The following SCTR variants were observed in gnomAD, a reference collection of about 807,000 sequenced individuals.
The protein encoded by SCTR is pancreatic secretin receptor.
SCTR carries 56 observed loss-of-function variants against 60.8 expected under a neutral mutation model. The observed-to-expected ratio is 0.92, with a 90% CI of 0.74 to 1.15. The LOEUF is 1.15. Ranked by LOEUF, SCTR falls within the 50% of genes most tolerant of loss-of-function variation. The pLI, the probability that SCTR is intolerant of heterozygous loss-of-function variation, is 0.00. For synonymous variants in SCTR, 202 were observed against 217.0 expected, an observed-to-expected ratio of 0.93 and a Z score of 0.61; for missense variants, 562 against 550.4, an observed-to-expected ratio of 1.02 and a Z score of -0.21.
At chr2:119,496,259 G>T (rs1678341155) in intron 1 of SCTR, among the ~76,000 whole-genome samples, 1 of 152,192 alleles carries the variant, frequency 6.6e-6, no homozygotes. Context: ...ACTCTCAACA[G>T]GACAGAAAGT....
At chr2:119,478,381 A>G (rs914716099) in intron 3 of SCTR, among the ~76,000 whole-genome samples, 2 of 152,116 alleles carry the variant, frequency 1.3e-5, no homozygotes, top group African/African-American at 4.8e-5. Flanking sequence ...CAGGGAGCCA[A>G]TTTCTCAGCA....
chr2:119,493,511 C>T (rs1189431119), intron 2 of SCTR, among the ~76,000 whole-genome samples: 2 of 152,086 alleles, frequency 1.3e-5, no homozygotes, highest in African/African-American at 4.8e-5. Context: ...AAACTTAGTG[C>T]TTAAAGTGTT....
intron 1 of SCTR, among the ~76,000 whole-genome samples, chr2:119,520,892 A>G (rs189413912): frequency 2.0e-4 from 30 of 152,320 alleles, no homozygotes; most frequent in African/African-American, 6.7e-4. Flanking sequence ...GTCCTGAAAC[A>G]TGACAACCTT....
At chr2:119,456,207 C>G (rs995890334) in intron 7 of SCTR, among the ~76,000 whole-genome samples, 8 of 151,734 alleles carry the variant, frequency 5.3e-5, no homozygotes, top group African/African-American at 1.9e-4. Context: ...ATTACAGGCA[C>G]CCACCACCAC....
intron 1 of SCTR, among the ~76,000 whole-genome samples, chr2:119,509,202 T>C (rs1490842953): frequency 6.6e-6 from 1 of 152,154 alleles, no homozygotes. Context: ...ATGACAGGTG[T>C]AGAAGACTGA....
intron 1 of SCTR, among the ~76,000 whole-genome samples, chr2:119,508,726 A>G (rs999394766): frequency 1.3e-5 from 2 of 152,080 alleles, no homozygotes; most frequent in Admixed American, 1.3e-4. Context: ...AAAACTGTAT[A>G]GATTTATTAT....
chr2:119,510,797 G>T (rs573612603), intron 1 of SCTR, among the ~76,000 whole-genome samples: 2 of 151,882 alleles, frequency 1.3e-5, no homozygotes, highest in Non-Finnish European at 2.9e-5. Context: ...GTACCAAAGA[G>T]TATAATGACA....
At chr2:119,508,586 C>T (rs1362924214) in intron 1 of SCTR, among the ~76,000 whole-genome samples, 1 of 151,738 alleles carries the variant, frequency 6.6e-6, no homozygotes, top group Non-Finnish European at 1.5e-5. Context: ...CAAGGTTTTG[C>T]CATGTTGCTC....
chr2:119,440,381 C>G, intron 12 of SCTR, 124 bp from the exon 13 acceptor site: 2 of 1,076,000 alleles, frequency 1.9e-6, no homozygotes, highest in Non-Finnish European at 2.6e-6. Context: ...GTCCCCTAGC[C>G]TGCAGGCCAC....
intron 1 of SCTR, among the ~76,000 whole-genome samples, chr2:119,497,353 A>C (rs1368310796): frequency 6.6e-6 from 1 of 152,152 alleles, no homozygotes; most frequent in Non-Finnish European, 1.5e-5. Context: ...CCTCTCAAAA[A>C]AAAAAAAGCT....
At chr2:119,519,171 T>C (rs1186310395) in intron 1 of SCTR, among the ~76,000 whole-genome samples, 3 of 151,964 alleles carry the variant, frequency 2.0e-5, no homozygotes, top group Non-Finnish European at 4.4e-5. Context: ...TCCATGTTGG[T>C]CGGACTGGTC....
intron 2 of SCTR, among the ~76,000 whole-genome samples, chr2:119,488,275 G>A (rs1203937111): frequency 4.6e-5 from 7 of 152,332 alleles, no homozygotes; most frequent in African/African-American, 1.4e-4. Flanking sequence ...CCACCTGCAC[G>A]CTGGCCCTCC....
At chr2:119,511,020 A>G (rs1678911782) in intron 1 of SCTR, among the ~76,000 whole-genome samples, 1 of 151,102 alleles carries the variant, frequency 6.6e-6, no homozygotes, top group African/African-American at 2.4e-5. Context: ...CCGCGGTGAA[A>G]CCCCGTCTCT....
intron 1 of SCTR, among the ~76,000 whole-genome samples, chr2:119,504,101 T>A (rs1678651090): frequency 6.6e-6 from 1 of 152,088 alleles, no homozygotes; most frequent in South Asian, 2.1e-4. Flanking sequence ...AACCTAGAAA[T>A]AGACCTACGT....
Position 119,446,862 on chromosome 2 carries a change from A to G in SCTR, c.1037T>C (p.Leu346Pro). 6.4e-7 allele frequency: 1 copy of G among 1,568,624 alleles called. No homozygotes were observed. Among genetic ancestry groups the G allele is most frequent in the East Asian group, 2.4e-5 (1 of 41,842 alleles). ...HYKRLARSTL[L>P]LIPLFGIHYI... ...GTGGATGCCAAAGAGGGGGATCAGC[A>G]GGAGAGTGGACCTGGCCAGGCGCCT... The change falls in exon 11 of 13, where the codon CTG (leucine) becomes CCG (proline). Residue 346 changes from leucine to proline, a missense_variant. Transcript: ENST00000019103.
chr2:119,498,480 C>A (rs1478881856), intron 1 of SCTR, among the ~76,000 whole-genome samples: 2 of 152,108 alleles, frequency 1.3e-5, no homozygotes, highest in Non-Finnish European at 2.9e-5. Context: ...TTTTCCTTCT[C>A]TTCAGTTTTC....
chr2:119,507,680 CT>C (rs1222628111), intron 1 of SCTR, among the ~76,000 whole-genome samples: 20 of 99,270 alleles, frequency 2.0e-4, no homozygotes, highest in Non-Finnish European at 2.8e-4. Context: ...TTTTTTTTTT[CT>C]TTTTTTTTTT....
chr2:119,463,260 T>A (rs1683690103), intron 6 of SCTR, among the ~76,000 whole-genome samples: 2 of 152,178 alleles, frequency 1.3e-5, no homozygotes, highest in Non-Finnish European at 2.9e-5. Context: ...ATGACTCAAC[T>A]CTAGCCAATG....
intron 7 of SCTR, among the ~76,000 whole-genome samples, chr2:119,457,126 T>C (rs1266613631): frequency 6.6e-6 from 1 of 152,152 alleles, no homozygotes; most frequent in Non-Finnish European, 1.5e-5. Context: ...AACAAACAAA[T>C]AGGAACTGAT....
Sources: allele counts gnomAD v4.1 joint callset (sites outside exome capture counted in the v4.1 genomes callset), GRCh38; gene constraint gnomAD v4.1.1; transcripts MANE v1.5; gene names NCBI Gene and HGNC (gene_info 2026-07-23, HGNC 2026-07-21).